MTA1: variants seen among roughly 807,000 people sequenced by gnomAD.
The protein encoded by MTA1 is metastasis associated 1, also known as metastasis-associated protein MTA1.
A neutral mutation model predicts 97.0 loss-of-function variants in MTA1; 15 were observed. The ratio of observed to expected loss-of-function variants is 0.15; its 90% CI spans 0.10 to 0.24. The LOEUF (loss-of-function observed/expected upper bound fraction) is 0.24, where lower values mean the gene tolerates loss of function less well. MTA1 is among the 10% of genes least tolerant of loss of function. The probability of loss-of-function intolerance (pLI) is 1.00; values close to 1 mark genes in which losing one functional copy is unlikely to be tolerated. For missense variants in MTA1, 709 were observed against 1,015.1 expected (o/e 0.70, Z 4.10); for synonymous variants, 435 against 417.5 (o/e 1.04, Z -0.51).
At position 105,424,600 on chromosome 14, in the gene MTA1, A is replaced by G. The variant is rs2081954741; in HGVS notation, c.28+4537A>G. 6.6e-6 allele frequency among the ~76,000 whole-genome samples: 1 copy of G among 151,140 alleles called. No homozygotes were observed. The highest frequency in any genetic ancestry group is 2.1e-4 in the South Asian group (1 of 4,796). ...AACCTCCGCCTCCTGGGTTCTAGTG[A>G]TTTGCCTGCCTCAGCCCCCTGAGTA... is the stretch of plus-strand genomic sequence containing the variant. On this transcript the variant is annotated intron_variant, in intron 1 of 20. Transcript: ENST00000331320. The surrounding 1 kb of genome is among the most constrained non-coding windows in gnomAD (Gnocchi z 4.0).
In MTA1 at chr14:105,464,577, G is replaced by T. The variant is rs782388114; in HGVS notation, c.1344+10G>T. 12 of 1,612,462 alleles carry T rather than the reference G, an allele frequency of 7.4e-6. No individual in the cohort carries two copies. In the African/African-American group the frequency reaches 9.3e-5, roughly 13 times the overall value. On this transcript the variant is annotated intron_variant, in intron 14 of 20. Transcript: ENST00000331320. ...AAACCGCAGTAACATGGTAAGGGGG[G>T]GGACACCCGCCCTGCCTGCCATGAG...
intron 1 of MTA1, among the ~76,000 whole-genome samples, chr14:105,435,083 G>A (rs1478685654): frequency 9.9e-5 from 15 of 152,176 alleles, no homozygotes; most frequent in Admixed American, 8.5e-4. Flanking sequence ...TCTCACCACT[G>A]AGGATGATGC....
At chr14:105,462,073 C>T (rs1555431146) in intron 10 of MTA1, among the ~76,000 whole-genome samples, 1 of 1,278 alleles carries the variant, frequency 7.8e-4, no homozygotes, top group South Asian at 0.024. Context: ...AGCGAGGCAG[C>T]GCTCAGGGGA....
At chr14:105,439,222 G>A (rs2082426306) in intron 2 of MTA1, among the ~76,000 whole-genome samples, 1 of 130,546 alleles carries the variant, frequency 7.7e-6, no homozygotes, top group South Asian at 2.5e-4. Context: ...CTGCAGGGCT[G>A]TGAGCTCTGC....
chr14:105,468,861 A>G lies in MTA1; in HGVS notation c.1814-606A>G, dbSNP rs376760865. The G allele has an allele frequency of 8.6e-5, 24 of 278,406 alleles. No individual in the cohort carries two copies. The East Asian group carries it at 2.2e-3, about 25-fold the overall frequency. 17.2% of individuals were successfully genotyped at this position (278,406 alleles called of 1,614,324 possible). A position where few individuals can be genotyped will look rare whatever the true frequency, so the allele number is the denominator to read the frequency against. On this transcript the variant is annotated intron_variant, in intron 18 of 20. Coordinates refer to ENST00000331320, the MANE Select transcript of MTA1 (RefSeq NM_004689.4). ...GGCCCAGCTGGGGGTGACCAGGAGC[A>G]TGGACCCCGCTTCTTGGCCCAACTC...
At chr14:105,467,760 TTTAC>T (rs1278145173) in intron 18 of MTA1, 2 of 304,258 alleles carry the variant, frequency 6.6e-6, no homozygotes, top group African/African-American at 4.5e-5. Flanking sequence ...CTGGGCTGGC[TTTAC>T]TTGTCTGTTC....
chr14:105,468,791 G>A (rs1555433528), intron 18 of MTA1, among the ~76,000 whole-genome samples: 1 of 152,240 alleles, frequency 6.6e-6, no homozygotes, highest in African/African-American at 2.4e-5. Flanking sequence ...TACACACAGG[G>A]CAGTGGGGAA....
At chr14:105,449,550 C>A in intron 4 of MTA1, 141 bp downstream of exon 4, 1 of 915,054 alleles carries the variant, frequency 1.1e-6, no homozygotes, top group Non-Finnish European at 1.6e-6. Context: ...TGAGGAGGGG[C>A]CCTCCCTTGT....
intron 1 of MTA1, among the ~76,000 whole-genome samples, chr14:105,438,325 T>A (rs2082394343): frequency 1.3e-5 from 2 of 152,108 alleles, no homozygotes. Flanking sequence ...GGGCTTTGCC[T>A]GGGAAGCTGC....
intron 3 of MTA1, among the ~76,000 whole-genome samples, chr14:105,447,777 T>G (rs587608766): frequency 6.6e-6 from 1 of 152,160 alleles, no homozygotes; most frequent in South Asian, 2.1e-4. Context: ...GCGGCCCCAC[T>G]CTTGCCTGGC....
chr14:105,454,916 C>CT (rs1282188057), intron 7 of MTA1, among the ~76,000 whole-genome samples: 68 of 150,484 alleles, frequency 4.5e-4, no homozygotes, highest in East Asian at 2.0e-4. Flanking sequence ...ATTACTTTTT[C>CT]TTTTTTTTGG....
chr14:105,465,401 C>A, intron 16 of MTA1: 1 of 399,050 alleles, frequency 2.5e-6, no homozygotes, highest in South Asian at 8.5e-5. Context: ...GTGATGGGGC[C>A]CAGTGCGGAG....
chr14:105,457,712 G>C (rs2083204732), intron 7 of MTA1, among the ~76,000 whole-genome samples: 1 of 152,218 alleles, frequency 6.6e-6, no homozygotes, highest in Non-Finnish European at 1.5e-5. Flanking sequence ...GATCACCTGA[G>C]GTCAAGAGTT....
At position 105,434,395 on chromosome 14, in the gene MTA1, A is replaced by G. The variant is rs1555423974; in HGVS notation, c.29-4277A>G. Among the ~76,000 whole-genome samples, 18 of 151,928 alleles carry G rather than the reference A, an allele frequency of 1.2e-4. 1 individual carries two copies. On this transcript the variant is annotated intron_variant, in intron 1 of 20. Transcript: ENST00000331320. ...TAAACATCTATAGATCTTTTGTAAAATTTATATTGTAAGTATTTAATTTTT... is the reference window on the plus strand; with the variant it reads ...TAAACATCTATAGATCTTTTGTAAAGTTTATATTGTAAGTATTTAATTTTT...
In MTA1 at chr14:105,458,172, C is replaced by G. The variant is rs1465213358; in HGVS notation, c.551-98C>G. The G allele has an allele frequency of 4.0e-6, 4 of 994,472 alleles. No individual in the cohort carries two copies. In the Admixed American group the frequency reaches 6.0e-5, roughly 15 times the overall value. The allele number at this position is 994,472 out of a possible 1,614,324, so 61.6% of individuals were successfully genotyped here. A position where few individuals can be genotyped will look rare whatever the true frequency, so the allele number is the denominator to read the frequency against. ...CCTATGGGGCCCTGCAGCCCTTCCC[C>G]CTCCCCGTCCCAGCAGCTCCCCGCA... On this transcript the variant is annotated intron_variant, in intron 7 of 20. Coordinates refer to ENST00000331320, the MANE Select transcript of MTA1 (RefSeq NM_004689.4).
rs150096448 is a variant in MTA1, at chr14:105,445,555, G to A, written c.190+44G>A. On this transcript the variant is annotated intron_variant, in intron 3 of 20. Transcript: ENST00000331320. ...GGGGTGCCCGCCTGGCGGGAGGGTCGGCTGGGGAGGGCTGGCGGGGTCCTT... is the reference window on the plus strand; with the variant it reads ...GGGGTGCCCGCCTGGCGGGAGGGTCAGCTGGGGAGGGCTGGCGGGGTCCTT... The A allele has an allele frequency of 8.4e-4, 1,337 of 1,595,610 alleles. 24 individuals are homozygous for A. The East Asian group carries it at 0.017, about 20-fold the overall frequency.
rs938564998 is a variant in MTA1, at chr14:105,445,572, G to A, written c.190+61G>A. On this transcript the variant is annotated intron_variant, in intron 3 of 20. Transcript: ENST00000331320. ...GGAGGGTCGGCTGGGGAGGGCTGGC[G>A]GGGTCCTTCTTCCCTAGGGCCCATC... is the stretch of plus-strand genomic sequence containing the variant. 58 of 1,565,362 alleles carry A rather than the reference G, an allele frequency of 3.7e-5. No individual in the cohort carries two copies. In the Middle Eastern group the frequency reaches 2.7e-3, roughly 72 times the overall value.
Position 105,458,325 on chromosome 14 carries a change from C to T in MTA1, c.606C>T (p.His202=), listed in dbSNP as rs1022467600. 1 of 1,612,794 alleles carries T rather than the reference C, an allele frequency of 6.2e-7. No homozygotes were observed. The highest frequency in any genetic ancestry group is 8.5e-7 in the Non-Finnish European group (1 of 1,179,944). ...SRLETQVWEA[H]NPLTDKQIDQ... ...TGGAGACCCAGGTGTGGGAGGCGCACAACCCACTCACAGACAAGCAGATCG... is the reference window on the plus strand; with the variant it reads ...TGGAGACCCAGGTGTGGGAGGCGCATAACCCACTCACAGACAAGCAGATCG... The change falls in exon 8 of 21, where the codon CAC becomes CAT. Residue 202 remains histidine (H), a synonymous_variant. Transcript: ENST00000331320.
intron 16 of MTA1, chr14:105,466,204 T>C: frequency 1.7e-6 from 1 of 582,496 alleles, no homozygotes; most frequent in South Asian, 2.0e-5. Flanking sequence ...AGCCCTGGGG[T>C]GCGGGACTGG....
Sources: gnomAD v4.1 joint callset for allele counts (sites outside exome capture counted in the v4.1 genomes callset) on GRCh38, gnomAD v4.1.1 for gene constraint, Gnocchi (gnomAD v3.1) non-coding constraint, MANE v1.5 for transcripts, NCBI Gene and HGNC (gene_info 2026-07-23, HGNC 2026-07-21) for gene names.